The following TESK2 variants were observed in gnomAD, a reference collection of about 807,000 sequenced individuals.
TESK2 encodes the protein dual specificity testis-specific protein kinase 2.
A neutral mutation model predicts 57.1 loss-of-function variants in TESK2; 39 were observed. The observed-to-expected ratio is 0.68, with a 90% confidence interval of 0.53 to 0.89. The LOEUF is 0.89. Among genes scored for constraint, TESK2 ranks in the 40% least tolerant of loss-of-function variants. The pLI is 0.00. For missense variants in TESK2, 646 were observed against 732.1 expected (o/e 0.88, Z 1.36); for synonymous variants, 249 against 267.9 (o/e 0.93, Z 0.69).
At chr1:45,383,620 A>G (rs2149273806) in intron 4 of TESK2, among the ~76,000 whole-genome samples, 1 of 152,344 alleles carries the variant, frequency 6.6e-6, no homozygotes, top group East Asian at 1.9e-4. Context: ...TATGCAACTT[A>G]ACACAGATTT....
intron 2 of TESK2, among the ~76,000 whole-genome samples, chr1:45,455,717 G>A (rs1162797185): frequency 1.3e-5 from 2 of 152,012 alleles, no homozygotes; most frequent in Non-Finnish European, 2.9e-5. Flanking sequence ...ACACTGAACT[G>A]TACACTTAAA....
chr1:45,472,863 C>T (rs1039605703), intron 1 of TESK2, among the ~76,000 whole-genome samples: 3 of 151,166 alleles, frequency 2.0e-5, no homozygotes, highest in African/African-American at 2.4e-5. Context: ...GCATGCCGGG[C>T]GCGGTGGCTT....
chr1:45,417,871 G>A (rs78178673), intron 3 of TESK2, among the ~76,000 whole-genome samples: 41 of 152,262 alleles, frequency 2.7e-4, no homozygotes, highest in Admixed American at 6.5e-4. Context: ...GATTACAGGC[G>A]TGAGCCACCG....
intron 2 of TESK2, among the ~76,000 whole-genome samples, chr1:45,447,559 G>A (rs369362708): frequency 5.4e-5 from 8 of 147,074 alleles, no homozygotes; most frequent in African/African-American, 2.1e-4. Flanking sequence ...GGGCCTGCCT[G>A]AGATGGTTTT....
chr1:45,460,766 A>T (rs11211115), intron 1 of TESK2, among the ~76,000 whole-genome samples: 31,651 of 151,776 alleles, frequency 0.21, 3,661 homozygotes, highest in Non-Finnish European at 0.27. Flanking sequence ...ATCACTAAAA[A>T]AATAATAATA....
intron 1 of TESK2, 103 bp from the exon 2 acceptor site, chr1:45,457,974 T>G (rs1176910889): frequency 1.8e-6 from 1 of 561,484 alleles, no homozygotes; most frequent in Admixed American, 3.1e-5. Context: ...TTCTAGTTCC[T>G]GGTTTTCAGA....
intron 3 of TESK2, among the ~76,000 whole-genome samples, chr1:45,419,101 C>T (rs547048648): frequency 1.3e-5 from 2 of 151,970 alleles, no homozygotes; most frequent in East Asian, 3.9e-4. Context: ...CCTCAGCCTC[C>T]CGAGTAGCTG....
Position 45,345,110 on chromosome 1 carries a change from G to A in TESK2, c.1446C>T (p.Pro482=), listed in dbSNP as rs1277740864. The change falls in exon 11 of 11, where the codon CCC becomes CCT. Residue 482 remains proline, a synonymous_variant. Transcript: ENST00000372086. ...VGREESLSDG[P]PPRLSSLKYR... is the part of the protein sequence containing the mutation. ...ACTTGAGACTACTTAGGCGTGGTGG[G>A]GGCCCATCAGATAGCGATTCTTCCC... is the stretch of plus-strand genomic sequence containing the variant. 4 of 1,614,160 alleles carry A rather than the reference G, an allele frequency of 2.5e-6. No homozygotes were observed. The highest frequency in any genetic ancestry group is 2.5e-6 in the Non-Finnish European group (3 of 1,180,042).
chr1:45,468,492 C>G (rs1652642244), intron 1 of TESK2, among the ~76,000 whole-genome samples: 1 of 152,138 alleles, frequency 6.6e-6, no homozygotes, highest in African/African-American at 2.4e-5. Context: ...CAAAGATATA[C>G]ACGTACAAAC....
intron 2 of TESK2, among the ~76,000 whole-genome samples, chr1:45,425,112 G>A (rs1028654916): frequency 1.1e-4 from 17 of 152,264 alleles, no homozygotes; most frequent in Non-Finnish European, 2.2e-4. Context: ...AAAGGAAGAA[G>A]CCAAATTATT....
chr1:45,394,597 G>A (rs1332306389), intron 3 of TESK2, among the ~76,000 whole-genome samples: 1 of 146,200 alleles, frequency 6.8e-6, no homozygotes, highest in Non-Finnish European at 1.5e-5. Flanking sequence ...TTGGTCTACA[G>A]ACTACATGCA....
intron 3 of TESK2, among the ~76,000 whole-genome samples, chr1:45,388,789 C>T (rs1249526243): frequency 6.5e-5 from 9 of 138,898 alleles, no homozygotes; most frequent in East Asian, 2.2e-4. Flanking sequence ...GGCGCAATCT[C>T]GGCTCACTGC....
At chr1:45,361,509 T>C (rs1256153522) in intron 4 of TESK2, among the ~76,000 whole-genome samples, 1 of 152,238 alleles carries the variant, frequency 6.6e-6, no homozygotes, top group African/African-American at 2.4e-5. Flanking sequence ...ACTTTACCTA[T>C]ACCAAAACTT....
intron 4 of TESK2, among the ~76,000 whole-genome samples, chr1:45,362,265 A>T (rs1002521691): frequency 1.3e-5 from 2 of 152,214 alleles, no homozygotes; most frequent in Non-Finnish European, 2.9e-5. Flanking sequence ...CCTAGGCTAA[A>T]GAGTATAGGT....
At chr1:45,388,635 G>T (rs181936513) in intron 3 of TESK2, among the ~76,000 whole-genome samples, 2 of 151,372 alleles carry the variant, frequency 1.3e-5, no homozygotes, top group Admixed American at 1.3e-4. Flanking sequence ...AAAGTCTGCT[G>T]ACTACAATGG....
intron 3 of TESK2, among the ~76,000 whole-genome samples, chr1:45,420,621 G>A (rs1042814957): frequency 6.8e-6 from 1 of 146,370 alleles, no homozygotes; most frequent in Non-Finnish European, 1.5e-5. Flanking sequence ...TGGCTGGAGT[G>A]CAGTAGTGCA....
At position 45,344,772 on chromosome 1, in the gene TESK2, T is replaced by G; in HGVS notation, c.*68A>C. On this transcript the variant is annotated 3_prime_UTR_variant, in exon 11 of 11. Coordinates refer to ENST00000372086, the MANE Select transcript of TESK2 (RefSeq NM_007170.3). ...AGGCTCCAGGGAAGAATCAAGGCTG[T>G]GCACCTAGGGGGCCATATGGTTTCA... is the stretch of plus-strand genomic sequence containing the variant. 1 of 1,420,358 alleles carries G rather than the reference T, an allele frequency of 7.0e-7. No homozygotes were observed. Among genetic ancestry groups the G allele is most frequent in the Non-Finnish European group, 9.7e-7 (1 of 1,033,486 alleles). The allele number at this position is 1,420,358 out of a possible 1,614,324, so 88.0% of individuals were successfully genotyped here. A position where few individuals can be genotyped will look rare whatever the true frequency, so the allele number is the denominator to read the frequency against.
chr1:45,484,104 CTTTTTTTT>C (rs533666070), intron 1 of TESK2, among the ~76,000 whole-genome samples: 2 of 84,862 alleles, frequency 2.4e-5, no homozygotes, highest in African/African-American at 9.3e-5. Flanking sequence ...TTTAATTCTT[CTTTTTTTT>C]TTTTTTTTTT....
intron 1 of TESK2, among the ~76,000 whole-genome samples, chr1:45,488,577 C>T (rs1009578001): frequency 6.6e-6 from 1 of 152,182 alleles, no homozygotes; most frequent in Non-Finnish European, 1.5e-5. Context: ...GACATACCTG[C>T]TCAAATCCTT....
Sources: allele counts gnomAD v4.1 joint callset (sites outside exome capture counted in the v4.1 genomes callset), GRCh38; gene constraint gnomAD v4.1.1; transcripts MANE v1.5; gene names NCBI Gene and HGNC (gene_info 2026-07-23, HGNC 2026-07-21).